GALNTL6: variants seen among roughly 807,000 people sequenced by gnomAD.
The protein encoded by GALNTL6 is polypeptide N-acetylgalactosaminyltransferase-like 6.
A neutral mutation model predicts 73.7 loss-of-function variants in GALNTL6; 46 were observed. The ratio of observed to expected loss-of-function variants is 0.62; its 90% CI spans 0.49 to 0.80. GALNTL6 has a LOEUF of 0.80. Ranked by LOEUF, GALNTL6 falls within the 30% of genes least tolerant of loss-of-function variation. The probability of loss-of-function intolerance (pLI) is 0.00; values close to 1 mark genes in which losing one functional copy is unlikely to be tolerated. For synonymous variants in GALNTL6, 259 were observed against 263.7 expected, an observed-to-expected ratio of 0.98 and a Z score of 0.17; for missense variants, 604 against 755.0, an observed-to-expected ratio of 0.80 and a Z score of 2.34.
At chr4:172,516,633 T>G (rs1264209996) in intron 5 of GALNTL6, among the ~76,000 whole-genome samples, 1 of 152,174 alleles carries the variant, frequency 6.6e-6, no homozygotes, top group Non-Finnish European at 1.5e-5. Flanking sequence ...TTTACCTCAA[T>G]AGTGCTGAAA....
intron 2 of GALNTL6, among the ~76,000 whole-genome samples, chr4:172,131,660 A>C (rs973770241): frequency 2.0e-5 from 3 of 151,680 alleles, no homozygotes; most frequent in Non-Finnish European, 4.4e-5. Flanking sequence ...TTACCACAGA[A>C]TCTCAGATTT....
At chr4:172,471,587 C>G (rs1228518128) in intron 5 of GALNTL6, among the ~76,000 whole-genome samples, 1 of 151,908 alleles carries the variant, frequency 6.6e-6, no homozygotes, top group Admixed American at 6.6e-5. Context: ...ACATTTTTAC[C>G]CAACAAATAT....
intron 5 of GALNTL6, among the ~76,000 whole-genome samples, chr4:172,804,201 T>A (rs1260769174): frequency 6.6e-6 from 1 of 152,176 alleles, no homozygotes; most frequent in African/African-American, 2.4e-5. Flanking sequence ...ATCACTCTGG[T>A]AAAAACCTCA....
At chr4:172,603,484 C>T (rs1369756697) in intron 5 of GALNTL6, among the ~76,000 whole-genome samples, 1 of 152,042 alleles carries the variant, frequency 6.6e-6, no homozygotes, top group Non-Finnish European at 1.5e-5. Context: ...TTCTTTTGAA[C>T]AACACTGCAG....
At chr4:172,968,009 C>T (rs1239808613) in intron 10 of GALNTL6, among the ~76,000 whole-genome samples, 1 of 152,108 alleles carries the variant, frequency 6.6e-6, no homozygotes, top group South Asian at 2.1e-4. Context: ...ATGCTAAAAG[C>T]ATGGCAACGC....
At chr4:173,013,826 T>C (rs894506916) in intron 11 of GALNTL6, among the ~76,000 whole-genome samples, 3 of 152,196 alleles carry the variant, frequency 2.0e-5, no homozygotes, top group African/African-American at 7.2e-5. Flanking sequence ...GGTTAAAACA[T>C]TACAAGCTGT....
chr4:172,927,974 T>C (rs113388187), intron 8 of GALNTL6, among the ~76,000 whole-genome samples: 6 of 152,294 alleles, frequency 3.9e-5, no homozygotes, highest in African/African-American at 1.4e-4. Flanking sequence ...ATGGAAGATA[T>C]TGTGGTGTCT....
chr4:172,648,769 G>T (rs1194580689), intron 5 of GALNTL6, among the ~76,000 whole-genome samples: 1 of 152,108 alleles, frequency 6.6e-6, no homozygotes. Flanking sequence ...GCTGATATTT[G>T]CATTCTAGGC....
intron 5 of GALNTL6, among the ~76,000 whole-genome samples, chr4:172,644,104 T>C (rs1740115430): frequency 6.6e-6 from 1 of 151,960 alleles, no homozygotes; most frequent in Non-Finnish European, 1.5e-5. Context: ...AATGGTATCA[T>C]ATTGGTTTGA....
Position 172,541,376 on chromosome 4 carries a change from T to C in GALNTL6, c.553+192687T>C, listed in dbSNP as rs180970083. Among the ~76,000 whole-genome samples the C allele has an allele frequency of 1.9e-3, 291 of 152,298 alleles. 1 individual carries two copies. Among genetic ancestry groups the C allele is most frequent in the Admixed American group, 0.013 (205 of 15,286 alleles). On this transcript the variant is annotated intron_variant, in intron 5 of 12. Transcript: ENST00000506823. ...GTATAACTATTATTGGCAGAACATA[T>C]GAGAGTCACGCAGCACCTAAATAGG...
At position 172,506,573 on chromosome 4, in the gene GALNTL6, T is replaced by G. The variant is rs186485356; in HGVS notation, c.553+157884T>G. ...ACCTTATCAGCATCTCCTAAATATC[T>G]CTAAATGGTCTCTCCATTATCCCCA... is the stretch of plus-strand genomic sequence containing the variant. On this transcript the variant is annotated intron_variant, in intron 5 of 12. Coordinates refer to ENST00000506823, the MANE Select transcript of GALNTL6 (RefSeq NM_001034845.3). Among the ~76,000 whole-genome samples the G allele has an allele frequency of 3.7e-5, 2 of 53,808 alleles. 1 individual carries two copies. Among genetic ancestry groups the G allele is most frequent in the East Asian group, 0.028 (2 of 72 alleles). 35.3% of individuals were successfully genotyped at this position (53,808 alleles called of 152,430 possible). A position where few individuals can be genotyped will look rare whatever the true frequency, so the allele number is the denominator to read the frequency against.
chr4:172,983,434 C>T lies in GALNTL6; in HGVS notation c.1372-25744C>T, dbSNP rs144018414. ...TAATGGACAGGTGCGGTGGCTCACA[C>T]CTGTAATCCCAGCACTTTGGGAGGC... On this transcript the variant is annotated intron_variant, in intron 10 of 12. Coordinates refer to ENST00000506823, the MANE Select transcript of GALNTL6 (RefSeq NM_001034845.3). Among the ~76,000 whole-genome samples, 261 of 152,322 alleles carry T rather than the reference C, an allele frequency of 1.7e-3. 1 individual carries two copies. The highest frequency in any genetic ancestry group is 6.1e-3 in the African/African-American group (252 of 41,566).
intron 5 of GALNTL6, among the ~76,000 whole-genome samples, chr4:172,657,747 A>C (rs1731115901): frequency 6.6e-6 from 1 of 152,192 alleles, no homozygotes; most frequent in Non-Finnish European, 1.5e-5. Flanking sequence ...GAAAGGAAAG[A>C]GTGTGAGGGA....
At chr4:172,632,922 G>T (rs1739462776) in intron 5 of GALNTL6, among the ~76,000 whole-genome samples, 1 of 152,260 alleles carries the variant, frequency 6.6e-6, no homozygotes, top group African/African-American at 2.4e-5. Context: ...TTCAGAGAAT[G>T]CAAGCCCCAA....
chr4:173,009,364 G>C (rs1752442492), intron 11 of GALNTL6, 70 bp downstream of exon 11: 1 of 929,644 alleles, frequency 1.1e-6, no homozygotes, highest in Non-Finnish European at 1.8e-6. Context: ...GAGGGATGCA[G>C]CTGGAACAAA....
chr4:172,140,887 T>C (rs1034885704), intron 2 of GALNTL6, among the ~76,000 whole-genome samples: 9 of 151,986 alleles, frequency 5.9e-5, no homozygotes, highest in African/African-American at 2.2e-4. Context: ...AAAGGGCTAA[T>C]AGTAAAAAGT....
intron 3 of GALNTL6, among the ~76,000 whole-genome samples, chr4:172,258,827 A>G (rs1738166314): frequency 6.6e-6 from 1 of 151,292 alleles, no homozygotes; most frequent in African/African-American, 2.4e-5. Context: ...GCTCTCACTT[A>G]TAAGTGAGAA....
intron 3 of GALNTL6, among the ~76,000 whole-genome samples, chr4:172,292,636 T>C (rs1739515197): frequency 6.6e-6 from 1 of 152,118 alleles, no homozygotes; most frequent in African/African-American, 2.4e-5. Context: ...CCTATAGTTA[T>C]TAGATACCGA....
rs182501723 is a variant in GALNTL6, at chr4:172,322,940, G to T, written c.386+11188G>T. On this transcript the variant is annotated intron_variant, in intron 4 of 12. Transcript: ENST00000506823. ...ACGTATATAAGGGGCATTTCTGAAG[G>T]ACAGGAGAAGAGTTAATAGTAGAAA... Among the ~76,000 whole-genome samples the T allele has an allele frequency of 2.0e-3, 303 of 152,212 alleles. 1 individual carries two copies. Among genetic ancestry groups the T allele is most frequent in the African/African-American group, 6.9e-3 (285 of 41,530 alleles).
Sources: gnomAD v4.1 joint callset for allele counts (sites outside exome capture counted in the v4.1 genomes callset) on GRCh38, gnomAD v4.1.1 for gene constraint, MANE v1.5 for transcripts, NCBI Gene and HGNC (gene_info 2026-07-23, HGNC 2026-07-21) for gene names.